NAV2: variants seen among roughly 807,000 people sequenced by gnomAD.
NAV2 encodes helicase, APC down-regulated 1.
In NAV2, 54 loss-of-function variants were observed where a neutral mutation model predicts 223.2. The ratio of observed to expected loss-of-function variants is 0.24; its 90% CI spans 0.19 to 0.30. The LOEUF is 0.30. Among genes scored for constraint, NAV2 ranks in the 10% least tolerant of loss-of-function variants. NAV2 has a pLI of 1.00. For missense variants in NAV2, 2,806 were observed against 3,147.5 expected (o/e 0.89, Z 2.60); for synonymous variants, 1,279 against 1,239.3 (o/e 1.03, Z -0.67).
chr11:20,094,223 C>CTTTTTTTTTTTTTTTTTTTTTTTT (rs61099684), intron 29 of NAV2, among the ~76,000 whole-genome samples: 4 of 88,518 alleles, frequency 4.5e-5, no homozygotes, highest in African/African-American at 9.5e-5. Flanking sequence ...TTTTCTTTAT[C>CTTTTTTTTTTTTTTTTTTTTTTTT]TTTTTTTTTT....
chr11:19,349,034 C>G (rs1423456534), upstream of NAV2, among the ~76,000 whole-genome samples: 12 of 152,078 alleles, frequency 7.9e-5, no homozygotes, highest in Non-Finnish European at 1.8e-4. Flanking sequence ...GAGCAAAAAG[C>G]GAGTATCTAC....
intron 11 of NAV2, among the ~76,000 whole-genome samples, chr11:19,985,175 A>C (rs2050670938): frequency 6.6e-6 from 1 of 152,240 alleles, no homozygotes; most frequent in African/African-American, 2.4e-5. Flanking sequence ...TTCCCAGGGC[A>C]TGCTTTTTAC....
chr11:19,799,821 C>A (rs2058132092), intron 1 of NAV2, among the ~76,000 whole-genome samples: 1 of 152,172 alleles, frequency 6.6e-6, no homozygotes, highest in Admixed American at 6.5e-5. Context: ...TTCTTTGCCT[C>A]CCCCTTGCTA....
Position 20,054,095 on chromosome 11 carries a change from C to G in NAV2, c.4497C>G (p.Ser1499=), listed in dbSNP as rs752841160. ...GTCTGTCCAGGTATACTCCCACCTC[C>G]CAGCTTCGCACGCAAGAAGATGCAA... is the stretch of plus-strand genomic sequence containing the variant. ...PKKGLRYTPT[S]QLRTQEDAKE... is the part of the protein sequence containing the mutation. Residue 1499 remains serine (S), a synonymous_variant, in exon 18 of 38, where the codon TCC becomes TCG. Coordinates refer to ENST00000349880, the MANE Select transcript of NAV2 (RefSeq NM_145117.5). 1.1e-5 allele frequency: 18 copies of G among 1,612,680 alleles called. No individual in the cohort carries two copies. The highest frequency in any genetic ancestry group is 1.5e-5 in the Non-Finnish European group (18 of 1,179,760).
At chr11:19,597,333 C>T (rs915413522) in intron 1 of NAV2, among the ~76,000 whole-genome samples, 3 of 152,206 alleles carry the variant, frequency 2.0e-5, no homozygotes, top group Non-Finnish European at 4.4e-5. Context: ...ACAGCCATTT[C>T]CCAGAGGCAT....
At chr11:19,495,206 G>A (rs1401953366) in intron 1 of NAV2, among the ~76,000 whole-genome samples, 3 of 152,170 alleles carry the variant, frequency 2.0e-5, no homozygotes, top group Non-Finnish European at 2.9e-5. Context: ...TTATGTATTT[G>A]TTCTTTCCTT....
intron 10 of NAV2, 77 bp downstream of exon 10, chr11:19,949,157 T>C: frequency 4.8e-6 from 7 of 1,466,514 alleles, no homozygotes; most frequent in Non-Finnish European, 6.3e-6. Context: ...AGGGCTCTAT[T>C]TGATTCTTCT....
intron 1 of NAV2, among the ~76,000 whole-genome samples, chr11:19,752,925 G>A (rs2053946500): frequency 6.6e-6 from 1 of 152,140 alleles, no homozygotes; most frequent in Non-Finnish European, 1.5e-5. Flanking sequence ...GGGGCCTTTG[G>A]GAGGTAACGA....
At position 20,051,289 on chromosome 11, in the gene NAV2, T is replaced by A. The variant is rs1211412184; in HGVS notation, c.4437T>A (p.Ser1479Arg). The change falls in exon 17 of 38, where the codon AGT (serine) becomes AGA (arginine). Residue 1479 changes from serine to arginine, a missense_variant and splice_region_variant. Around this residue, in one of 4 missense-constraint regions of NAV2, gnomAD observed 742 missense variants for 777.9 expected, o/e 0.95. Coordinates refer to ENST00000349880, the MANE Select transcript of NAV2 (RefSeq NM_145117.5). ...TATTTTTGTTTTAACTTTCCTACAG[T>A]GACCCGCACCTTGATAGGAACACTT... ...CRSTLPRKQD[S>R]DPHLDRNTLP... is the part of the protein sequence containing the mutation. 6.2e-7 allele frequency: 1 copy of A among 1,613,998 alleles called. No individual in the cohort carries two copies. Among genetic ancestry groups the A allele is most frequent in the South Asian group, 1.1e-5 (1 of 91,080 alleles).
chr11:20,035,145 T>C (rs2056224244), intron 11 of NAV2, among the ~76,000 whole-genome samples: 1 of 151,694 alleles, frequency 6.6e-6, no homozygotes, highest in Non-Finnish European at 1.5e-5. Flanking sequence ...AGAGACCAGC[T>C]GGCCTTTTAG....
intron 1 of NAV2, among the ~76,000 whole-genome samples, chr11:19,579,896 T>C (rs913896111): frequency 7.2e-5 from 11 of 152,172 alleles, no homozygotes; most frequent in Non-Finnish European, 1.5e-4. Context: ...AAGTGGAAAG[T>C]ACTATAAAAC....
chr11:19,983,847 C>A (rs768723867), intron 10 of NAV2, among the ~76,000 whole-genome samples: 1 of 152,132 alleles, frequency 6.6e-6, no homozygotes, highest in African/African-American at 2.4e-5. Context: ...AATTTTATTC[C>A]CTAGTTCCCG....
intron 1 of NAV2, among the ~76,000 whole-genome samples, chr11:19,561,218 T>A (rs1483143802): frequency 6.6e-6 from 1 of 152,210 alleles, no homozygotes; most frequent in African/African-American, 2.4e-5. Context: ...TTCACTTTCA[T>A]CAAAATGATG....
At chr11:19,843,059 C>T in intron 3 of NAV2, 136 bp downstream of exon 3, 2 of 697,258 alleles carry the variant, frequency 2.9e-6, no homozygotes, top group Admixed American at 5.5e-5. Flanking sequence ...CAGCTATTTC[C>T]AAGTAGCTGT....
intron 1 of NAV2, among the ~76,000 whole-genome samples, chr11:19,682,759 G>A: frequency 6.6e-6 from 1 of 152,160 alleles, no homozygotes; most frequent in Non-Finnish European, 1.5e-5. Context: ...TGCATGAACT[G>A]AGTGAGAACA....
chr11:19,604,771 C>T (rs926607938), intron 1 of NAV2, among the ~76,000 whole-genome samples: 3 of 152,120 alleles, frequency 2.0e-5, no homozygotes, highest in African/African-American at 4.8e-5. Context: ...TCCCATGTGT[C>T]GTGAGAGGAA....
intron 1 of NAV2, among the ~76,000 whole-genome samples, chr11:19,445,924 G>A (rs1323823138): frequency 6.6e-6 from 1 of 152,162 alleles, no homozygotes; most frequent in Admixed American, 6.5e-5. Context: ...TACTGAGGCA[G>A]AAAGCGAGAT....
At chr11:19,675,982 A>G (rs928005702) in intron 1 of NAV2, among the ~76,000 whole-genome samples, 1 of 152,220 alleles carries the variant, frequency 6.6e-6, no homozygotes, top group Non-Finnish European at 1.5e-5. Context: ...CCCATTTTAC[A>G]GATGTGGGAG....
rs2049353677 is a variant in NAV2, at chr11:19,696,737, T to TGCA, written c.76-135742_76-135740dup. Among the ~76,000 whole-genome samples the TGCA allele has an allele frequency of 3.9e-5, 6 of 152,356 alleles. No homozygotes were observed. The South Asian group carries it at 1.2e-3, about 32-fold the overall frequency. On this transcript the variant is annotated intron_variant, in intron 1 of 37. Coordinates refer to the NAV2 transcript ENST00000360655. ...AAAACTATTCCCAAGATGCTGACAT[T>TGCA]GCAGCAGGCATTGTGCTCTCTAAGC...
Sources: gnomAD v4.1 joint callset for allele counts (sites outside exome capture counted in the v4.1 genomes callset) on GRCh38, gnomAD v4.1.1 for gene constraint, gnomAD v4.1.1 regional missense constraint, MANE v1.5 for transcripts, NCBI Gene and HGNC (gene_info 2026-07-23, HGNC 2026-07-21) for gene names.